Variants in EEIG1 observed in about 807,000 individuals in gnomAD.
EEIG1 encodes early estrogen-induced gene 1 protein.
the EEIG1 span, among the ~76,000 whole-genome samples, chr9:127,980,679 A>T: frequency 6.7e-6 from 1 of 149,522 alleles, no homozygotes; most frequent in African/African-American, 2.4e-5. Flanking sequence ...GAAGCCGGGG[A>T]AGGTGGGGCA....
chr9:127,970,172 G>C, the EEIG1 span, among the ~76,000 whole-genome samples: 2 of 152,080 alleles, frequency 1.3e-5, no homozygotes, highest in Admixed American at 1.3e-4. Context: ...GGAGTGCAGT[G>C]GCGCGATCTC....
chr9:127,964,626 T>C, the EEIG1 span, among the ~76,000 whole-genome samples: 4 of 152,236 alleles, frequency 2.6e-5, no homozygotes, highest in Admixed American at 6.5e-5. Context: ...GTCCAACCTC[T>C]GTGACAGGGC....
the EEIG1 span, chr9:127,953,846 C>T: frequency 3.7e-6 from 6 of 1,614,018 alleles, no homozygotes; most frequent in Non-Finnish European, 5.1e-6. Flanking sequence ...TCCAGCAGGC[C>T]GGTGGCCGGG....
the EEIG1 span, chr9:127,950,402 A>G: frequency 1.2e-6 from 2 of 1,612,206 alleles, no homozygotes; most frequent in Middle Eastern, 3.3e-4. Context: ...AGGGTGGCAG[A>G]GGTGGCAGGA....
the EEIG1 span, among the ~76,000 whole-genome samples, chr9:127,959,182 A>G: frequency 6.6e-6 from 1 of 152,260 alleles, no homozygotes; most frequent in Non-Finnish European, 1.5e-5. Flanking sequence ...AAATGTGTCC[A>G]CACAAAAACT....
the EEIG1 span, among the ~76,000 whole-genome samples, chr9:127,970,731 T>C: frequency 6.6e-6 from 1 of 151,862 alleles, no homozygotes; most frequent in African/African-American, 2.4e-5. Context: ...CCCCTCCCCT[T>C]GACTCCTCCT....
At chr9:127,980,237 C>G in the EEIG1 span, 1 of 1,332,474 alleles carries the variant, frequency 7.5e-7, no homozygotes, top group East Asian at 2.5e-5. Context: ...ACACCAGAGC[C>G]GGATCCCGCC....
the EEIG1 span, among the ~76,000 whole-genome samples, chr9:127,979,479 A>G: frequency 6.6e-6 from 1 of 152,230 alleles, no homozygotes; most frequent in South Asian, 2.1e-4. Context: ...GCCCAGCTCC[A>G]GCCAGAGGAG....
chr9:127,945,403 G>A, the EEIG1 span: 1 of 1,583,098 alleles, frequency 6.3e-7, no homozygotes, highest in South Asian at 1.1e-5. The surrounding 1 kb of genome is among the most constrained non-coding windows in gnomAD (Gnocchi z 6.5). Context: ...GGGCCGGGGT[G>A]GCCGCGGCGG....
chr9:127,958,701 A>G, the EEIG1 span, among the ~76,000 whole-genome samples: 2 of 151,996 alleles, frequency 1.3e-5, no homozygotes, highest in Non-Finnish European at 2.9e-5. Flanking sequence ...CAAACAAAAA[A>G]CCTTTTGCAC....
chr9:127,942,792 C>T, the EEIG1 span: 1 of 261,318 alleles, frequency 3.8e-6, no homozygotes, highest in Non-Finnish European at 7.6e-6. Context: ...TGAGTGGGGA[C>T]ACAGGTAGAG....
chr9:127,975,920 A>G, the EEIG1 span, among the ~76,000 whole-genome samples: 7 of 152,182 alleles, frequency 4.6e-5, no homozygotes, highest in East Asian at 9.7e-4. Context: ...AGGCCCCCCT[A>G]TGTGGATACA....
the EEIG1 span, among the ~76,000 whole-genome samples, chr9:127,972,045 C>G: frequency 6.6e-6 from 1 of 152,126 alleles, no homozygotes; most frequent in African/African-American, 2.4e-5. This position sits in a 1 kb window ranked among gnomAD's most constrained non-coding sequence, Gnocchi z 4.3. Context: ...AGCAGCCTGA[C>G]AGCCAGTGCC....
At chr9:127,948,306 C>G in the EEIG1 span, 1 of 1,612,178 alleles carries the variant, frequency 6.2e-7, no homozygotes, top group African/African-American at 1.3e-5. Flanking sequence ...GTCCCTGTTC[C>G]TCCACCCCTA....
At chr9:127,943,568 A>G in the EEIG1 span, 2 of 341,280 alleles carry the variant, frequency 5.9e-6, no homozygotes, top group Non-Finnish European at 5.5e-6. Context: ...AGGGTGACCA[A>G]GAGGGCAGTG....
At chr9:127,952,380 C>A in the EEIG1 span, among the ~76,000 whole-genome samples, 1 of 152,262 alleles carries the variant, frequency 6.6e-6, no homozygotes, top group East Asian at 1.9e-4. Context: ...CACCCTCCTG[C>A]CACTGGGCTA....
chr9:127,952,301 C>T, the EEIG1 span, among the ~76,000 whole-genome samples: 3 of 152,234 alleles, frequency 2.0e-5, no homozygotes, highest in South Asian at 2.1e-4. Flanking sequence ...GGAAGGGCCA[C>T]GCCCTGTATA....
the EEIG1 span, among the ~76,000 whole-genome samples, chr9:127,970,701 C>A: frequency 2.0e-5 from 3 of 151,910 alleles, no homozygotes; most frequent in Non-Finnish European, 4.4e-5. Flanking sequence ...TGGCTCCCAC[C>A]CCTCCAGGTA....
chr9:127,951,333 GAGAT>G, the EEIG1 span, among the ~76,000 whole-genome samples: 1 of 152,184 alleles, frequency 6.6e-6, no homozygotes, highest in African/African-American at 2.4e-5. Context: ...AGGCTCAGAA[GAGAT>G]AGATAATGAA....
Sources: allele counts gnomAD v4.1 joint callset (sites outside exome capture counted in the v4.1 genomes callset), GRCh38; gene constraint gnomAD v4.1.1; non-coding constraint Gnocchi (gnomAD v3.1); transcripts MANE v1.5; gene names NCBI Gene and HGNC (gene_info 2026-07-23, HGNC 2026-07-21).